Variants in RAB7A observed in about 807,000 individuals in gnomAD.
RAB7A encodes the protein RAB7A, member RAS oncogene family, also known as ras-related protein Rab-7a.
RAB7A carries 2 observed loss-of-function variants against 24.5 expected under a neutral mutation model. The ratio of observed to expected loss-of-function variants is 0.08; its 90% CI spans 0.03 to 0.26. The LOEUF (loss-of-function observed/expected upper bound fraction) is 0.26, where lower values mean the gene tolerates loss of function less well. Ranked by LOEUF, RAB7A falls within the 10% of genes least tolerant of loss-of-function variation. RAB7A has a pLI of 1.00. For missense variants in RAB7A, 118 were observed against 255.7 expected (o/e 0.46, Z 3.67); for synonymous variants, 100 against 95.9 (o/e 1.04, Z -0.25).
intron 1 of RAB7A, among the ~76,000 whole-genome samples, chr3:128,741,801 T>C (rs2070557126): frequency 6.6e-6 from 1 of 152,218 alleles, no homozygotes; most frequent in Non-Finnish European, 1.5e-5. Context: ...CGCATACATA[T>C]ACATACACAC....
intron 1 of RAB7A, among the ~76,000 whole-genome samples, chr3:128,746,373 A>C (rs1341820307): frequency 6.6e-6 from 1 of 151,768 alleles, no homozygotes; most frequent in Non-Finnish European, 1.5e-5. Context: ...CCTGGGTTCA[A>C]GTGATCCTTC....
chr3:128,770,996 G>T (rs1380638922), intron 1 of RAB7A, among the ~76,000 whole-genome samples: 3 of 150,018 alleles, frequency 2.0e-5, no homozygotes, highest in African/African-American at 4.9e-5. Context: ...TTGAGTCAGG[G>T]TCTCACTCTG....
intron 1 of RAB7A, among the ~76,000 whole-genome samples, chr3:128,743,451 A>C (rs1253011760): frequency 6.6e-6 from 1 of 152,236 alleles, no homozygotes; most frequent in East Asian, 1.9e-4. Context: ...AGAGCGAGCA[A>C]GGGCCACCAG....
chr3:128,755,009 A>G (rs371967365), intron 1 of RAB7A, among the ~76,000 whole-genome samples: 1 of 152,312 alleles, frequency 6.6e-6, no homozygotes, highest in African/African-American at 2.4e-5. Context: ...ATAAGAAACC[A>G]AGTAGATCTT....
intron 1 of RAB7A, among the ~76,000 whole-genome samples, chr3:128,743,108 A>T (rs896658220): frequency 6.6e-6 from 1 of 152,180 alleles, no homozygotes; most frequent in African/African-American, 2.4e-5. Flanking sequence ...CGAATGTGGC[A>T]CAGGTGGGCT....
intron 1 of RAB7A, chr3:128,764,782 C>T: frequency 1.2e-6 from 1 of 842,644 alleles, no homozygotes. Context: ...GAAGATTTGG[C>T]CACCACGATA....
At chr3:128,749,690 A>G (rs1198289388) in intron 1 of RAB7A, among the ~76,000 whole-genome samples, 1 of 152,176 alleles carries the variant, frequency 6.6e-6, no homozygotes, top group Non-Finnish European at 1.5e-5. Context: ...TCTGATGGCT[A>G]TTGAGAGTTT....
intron 1 of RAB7A, among the ~76,000 whole-genome samples, chr3:128,765,759 T>G (rs1258926021): frequency 4.4e-3 from 1 of 226 alleles, no homozygotes; most frequent in Non-Finnish European, 0.014. Context: ...TACCTCTACT[T>G]TTTTTTTTTT....
intron 1 of RAB7A, among the ~76,000 whole-genome samples, chr3:128,756,165 G>A (rs1329672876): frequency 3.3e-5 from 5 of 152,054 alleles, no homozygotes; most frequent in Admixed American, 3.3e-4. Flanking sequence ...GTGAAACCCC[G>A]TCTCTACTAA....
intron 1 of RAB7A, among the ~76,000 whole-genome samples, chr3:128,728,390 A>C (rs1367884194): frequency 6.6e-6 from 1 of 152,218 alleles, no homozygotes; most frequent in Non-Finnish European, 1.5e-5. Flanking sequence ...ACAGTTTCTA[A>C]TTAATCACAT....
At chr3:128,737,824 A>AG (rs2070506044) in intron 1 of RAB7A, among the ~76,000 whole-genome samples, 1 of 27,388 alleles carries the variant, frequency 3.7e-5, no homozygotes, top group Non-Finnish European at 6.9e-5. Context: ...ATTTTTTTGT[A>AG]GTTTTTTTTT....
In RAB7A at chr3:128,814,258, T is replaced by C. The variant is rs565225588; in HGVS notation, c.*836T>C. 5.2e-4 allele frequency: 79 copies of C among 153,138 alleles called. No homozygotes were observed. Among genetic ancestry groups the C allele is most frequent in the African/African-American group, 1.8e-3 (74 of 41,588 alleles). The allele number at this position is 153,138 out of a possible 1,614,324, so 9.5% of individuals were successfully genotyped here. A position where few individuals can be genotyped will look rare whatever the true frequency, so the allele number is the denominator to read the frequency against. ...ATTATGTACGCCTTTTATCAAAGAC[T>C]TAAGAGCCAAAAAGCTTTTCATCTC... On this transcript the variant is annotated 3_prime_UTR_variant, in exon 6 of 6. Coordinates refer to ENST00000265062, the MANE Select transcript of RAB7A (RefSeq NM_004637.6).
chr3:128,813,793 G>A lies in RAB7A; in HGVS notation c.*371G>A, dbSNP rs1933981234. 6.0e-6 allele frequency: 2 copies of A among 332,196 alleles called. No homozygotes were observed. The highest frequency in any genetic ancestry group is 8.2e-5 in the Admixed American group (2 of 24,362). 20.6% of individuals were successfully genotyped at this position (332,196 alleles called of 1,614,324 possible). On this transcript the variant is annotated 3_prime_UTR_variant, in exon 6 of 6. Coordinates refer to ENST00000265062, the MANE Select transcript of RAB7A (RefSeq NM_004637.6). Reference sequence around the variant, plus strand: ...TTGTTCACTGGAGAGAGAGAGAACTGTTTACAGTTAATCTGTGTCTAATTA... The same window carrying A: ...TTGTTCACTGGAGAGAGAGAGAACTATTTACAGTTAATCTGTGTCTAATTA...
intron 3 of RAB7A, among the ~76,000 whole-genome samples, chr3:128,800,092 G>A (rs1481967893): frequency 6.6e-6 from 1 of 152,126 alleles, no homozygotes; most frequent in East Asian, 1.9e-4. Flanking sequence ...AAATGGAGCT[G>A]AAAAAAGCAG....
At chr3:128,802,087 C>T (rs1389055870) in intron 3 of RAB7A, among the ~76,000 whole-genome samples, 1 of 152,126 alleles carries the variant, frequency 6.6e-6, no homozygotes, top group African/African-American at 2.4e-5. Flanking sequence ...AAGGATAACT[C>T]CAGGCAGAAA....
intron 1 of RAB7A, among the ~76,000 whole-genome samples, chr3:128,782,504 T>A (rs1933243115): frequency 6.6e-6 from 1 of 151,962 alleles, no homozygotes; most frequent in African/African-American, 2.4e-5. Context: ...GACAGCACTG[T>A]GTTCATGGCA....
At chr3:128,795,656 GCATTTTCATGGAATC>G (rs1933550732) in intron 2 of RAB7A, among the ~76,000 whole-genome samples, 1 of 151,736 alleles carries the variant, frequency 6.6e-6, no homozygotes, top group South Asian at 2.1e-4. Flanking sequence ...CTAAGGATAG[GCATTTTCATGGAATC>G]CCTTTTCTCC....
chr3:128,759,863 A>G (rs1281512298), intron 1 of RAB7A, among the ~76,000 whole-genome samples: 1 of 152,036 alleles, frequency 6.6e-6, no homozygotes, highest in Non-Finnish European at 1.5e-5. Flanking sequence ...GGCATGCACC[A>G]CCACGCCCGG....
chr3:128,733,303 T>C (rs1236795370), intron 1 of RAB7A, among the ~76,000 whole-genome samples: 1 of 152,204 alleles, frequency 6.6e-6, no homozygotes, highest in African/African-American at 2.4e-5. Context: ...AATCATACAC[T>C]GTGTATTCTT....
Sources: gnomAD v4.1 joint callset for allele counts (sites outside exome capture counted in the v4.1 genomes callset) on GRCh38, gnomAD v4.1.1 for gene constraint, MANE v1.5 for transcripts, NCBI Gene and HGNC (gene_info 2026-07-23, HGNC 2026-07-21) for gene names.